Variants in UBAC1 observed in about 807,000 individuals in gnomAD.
UBAC1 encodes UBA domain containing 1.
Under a neutral mutation model 45.9 loss-of-function variants are expected in UBAC1, and 27 were observed. The ratio of observed to expected loss-of-function variants is 0.59; its 90% CI spans 0.43 to 0.81. The LOEUF is 0.81. Ranked by LOEUF, UBAC1 falls within the 30% of genes least tolerant of loss-of-function variation. UBAC1 has a pLI of 0.00. For missense variants in UBAC1, 529 were observed against 539.2 expected (o/e 0.98, Z 0.19); for synonymous variants, 227 against 215.5 (o/e 1.05, Z -0.47).
At chr9:135,939,863 C>T in intron 7 of UBAC1, 104 bp from the exon 8 acceptor site, 2 of 902,840 alleles carry the variant, frequency 2.2e-6, no homozygotes, top group Admixed American at 4.2e-5. Context: ...GCGGAGGGTG[C>T]TCCCAACAGC....
At chr9:135,956,036 T>C (rs200558202) in intron 1 of UBAC1, among the ~76,000 whole-genome samples, 3 of 152,102 alleles carry the variant, frequency 2.0e-5, no homozygotes, top group East Asian at 3.9e-4. Context: ...CCTGGGCGGC[T>C]TGAAGGTGGA....
At chr9:135,938,448 C>T (rs1292086213) in intron 8 of UBAC1, 88 bp from the exon 9 acceptor site, 2 of 1,502,288 alleles carry the variant, frequency 1.3e-6, no homozygotes, top group African/African-American at 1.4e-5. Flanking sequence ...AGCTCCTGCA[C>T]CTTTCTGTGA....
At chr9:135,948,046 G>A (rs1220400881) in intron 3 of UBAC1, 141 bp from the exon 4 acceptor site, 2 of 707,910 alleles carry the variant, frequency 2.8e-6, no homozygotes, top group African/African-American at 1.8e-5. Context: ...GATGAGCTGG[G>A]GGAGCCTGGA....
At chr9:135,933,579 G>A in intron 9 of UBAC1, 64 bp from the exon 10 acceptor site, 1 of 1,221,338 alleles carries the variant, frequency 8.2e-7, no homozygotes, top group Non-Finnish European at 1.2e-6. Context: ...GCACAGGCGT[G>A]ACTTTCCTCT....
At chr9:135,960,581 G>T (rs1439148533) in intron 1 of UBAC1, among the ~76,000 whole-genome samples, 3 of 48,032 alleles carry the variant, frequency 6.2e-5, no homozygotes, top group African/African-American at 1.9e-4. Flanking sequence ...AGCTCTCAAA[G>T]ATGCTGCTGA....
In UBAC1 at chr9:135,947,803, T is replaced by C. The variant is rs377643807; in HGVS notation, c.436A>G (p.Arg146Gly). The C allele has an allele frequency of 5.8e-5, 93 of 1,612,690 alleles. No individual in the cohort carries two copies. The highest frequency in any genetic ancestry group is 7.5e-5 in the Non-Finnish European group (88 of 1,179,552). Reference sequence around the variant, plus strand: ...CGCTCTGGGCTGACACTCACGTCTCTCATGTTGGTCTGGACCGCGGCCCGG... The same window carrying C: ...CGCTCTGGGCTGACACTCACGTCTCCCATGTTGGTCTGGACCGCGGCCCGG... ...MDRAAVQTNM[R>G]DFQTELRKIL... Residue 146 changes from arginine (R) to glycine (G), a missense_variant, in exon 4 of 10, where the codon AGA becomes GGA. By Grantham distance (125) the Arg-to-Gly change is moderately radical. Coordinates refer to ENST00000371756, the MANE Select transcript of UBAC1 (RefSeq NM_016172.3).
chr9:135,939,619 A>C, intron 8 of UBAC1, 54 bp downstream of exon 8: 1 of 1,543,588 alleles, frequency 6.5e-7, no homozygotes. Flanking sequence ...CACTTACCAC[A>C]GCCCACACTC....
At chr9:135,949,681 TC>T (rs1839383278) in intron 3 of UBAC1, among the ~76,000 whole-genome samples, 1 of 152,224 alleles carries the variant, frequency 6.6e-6, no homozygotes, top group East Asian at 1.9e-4. Flanking sequence ...AAGGGACAGA[TC>T]GAGAAGAACA....
Position 135,947,790 on chromosome 9 carries a change from ACACT to A in UBAC1, c.441+4_441+7del. 2 of 1,611,588 alleles carry A rather than the reference ACACT, an allele frequency of 1.2e-6. No homozygotes were observed. The highest frequency in any genetic ancestry group is 1.7e-6 in the Non-Finnish European group (2 of 1,178,962). On this transcript the variant is annotated splice_donor_5th_base_variant and intron_variant, in intron 4 of 9. Transcript: ENST00000371756. ...ATGCACCCGCCGCCGCTCTGGGCTG[ACACT>A]CACGTCTCTCATGTTGGTCTGGACC...
At chr9:135,942,921 C>T (rs1839287042) in intron 7 of UBAC1, among the ~76,000 whole-genome samples, 1 of 152,120 alleles carries the variant, frequency 6.6e-6, no homozygotes, top group African/African-American at 2.4e-5. Context: ...AAGCATTTGT[C>T]TCAATGGGAT....
intron 1 of UBAC1, among the ~76,000 whole-genome samples, chr9:135,959,034 C>T (rs540106539): frequency 6.6e-6 from 1 of 152,244 alleles, no homozygotes; most frequent in African/African-American, 2.4e-5. Context: ...GGCTGCCTAA[C>T]TGACCCTCCG....
intron 9 of UBAC1, among the ~76,000 whole-genome samples, chr9:135,936,540 G>A (rs954975379): frequency 8.0e-5 from 12 of 149,478 alleles, no homozygotes; most frequent in African/African-American, 2.7e-4. Flanking sequence ...CTGACGCCCA[G>A]GCTAGAGTGC....
intron 3 of UBAC1, among the ~76,000 whole-genome samples, chr9:135,952,600 G>A (rs1371243882): frequency 5.9e-5 from 9 of 152,208 alleles, no homozygotes; most frequent in African/African-American, 1.9e-4. Flanking sequence ...AATCAATAAC[G>A]TGTGAGTGAA....
chr9:135,938,123 G>C, intron 9 of UBAC1, 99 bp downstream of exon 9: 1 of 1,521,858 alleles, frequency 6.6e-7, no homozygotes, highest in East Asian at 2.3e-5. Flanking sequence ...GATCCTCAGC[G>C]CTGGATCCTC....
rs532856441 is a variant in UBAC1, at chr9:135,938,083, G to A, written c.1102+139C>T. On this transcript the variant is annotated intron_variant, in intron 9 of 9. Coordinates refer to ENST00000371756, the MANE Select transcript of UBAC1 (RefSeq NM_016172.3). The stretch of plus-strand genomic sequence containing the variant: ...GACTACACCCGCAGGATGCCAACCT[G>A]CATGGCAGGACGTGCTGCCAGCGCA... 7 of 1,348,116 alleles carry A rather than the reference G, an allele frequency of 5.2e-6. No individual in the cohort carries two copies. The African/African-American group carries it at 1.0e-4, about 20-fold the overall frequency. 83.5% of individuals were successfully genotyped at this position (1,348,116 alleles called of 1,614,324 possible). A position where few individuals can be genotyped will look rare whatever the true frequency, so the allele number is the denominator to read the frequency against.
chr9:135,959,559 G>A (rs1839507847), intron 1 of UBAC1, among the ~76,000 whole-genome samples: 1 of 152,018 alleles, frequency 6.6e-6, no homozygotes, highest in Admixed American at 6.6e-5. Context: ...TATTTTAGTT[G>A]AGACGGGGTT....
At position 135,945,120 on chromosome 9, in the gene UBAC1, C is replaced by T. The variant is rs1839312662; in HGVS notation, c.784G>A (p.Gly262Arg). 1.2e-6 allele frequency: 2 copies of T among 1,614,086 alleles called. No individual in the cohort carries two copies. The highest frequency in any genetic ancestry group is 1.3e-5 in the African/African-American group (1 of 75,058). The stretch of plus-strand genomic sequence containing the variant: ...GCCTCCTCATCGGTGGCGCTGGCTC[C>T]CGCGGCAGCCTCGGAGGCAGCTGCT... ...ATAAASEAAA[G>R]ASATDEEARD... The change falls in exon 7 of 10, where the codon GGA becomes AGA. Residue 262 changes from glycine to arginine, a missense_variant. By Grantham distance (125) the Gly-to-Arg change is moderately radical. Coordinates refer to ENST00000371756, the MANE Select transcript of UBAC1 (RefSeq NM_016172.3).
In UBAC1 at chr9:135,933,285, T is replaced by C. The variant is rs1212974665; in HGVS notation, c.*115A>G. ...AGAGCAGGAGCAGCTGCAGCACCTC[T>C]AACAGTCCAGGGCTGAGGCGCTGAA... On this transcript the variant is annotated 3_prime_UTR_variant, in exon 10 of 10. Transcript: ENST00000371756. 3 of 790,228 alleles carry C rather than the reference T, an allele frequency of 3.8e-6. No individual in the cohort carries two copies. Among genetic ancestry groups the C allele is most frequent in the African/African-American group, 1.7e-5 (1 of 58,640 alleles). 49.0% of individuals were successfully genotyped at this position (790,228 alleles called of 1,614,324 possible).
intron 7 of UBAC1, among the ~76,000 whole-genome samples, chr9:135,942,641 A>C (rs1223793641): frequency 1.3e-5 from 2 of 148,714 alleles, no homozygotes; most frequent in African/African-American, 4.9e-5. Context: ...TGACAGAGTG[A>C]AACTGTCTCA....
Sources: allele counts gnomAD v4.1 joint callset (sites outside exome capture counted in the v4.1 genomes callset), GRCh38; gene constraint gnomAD v4.1.1; transcripts MANE v1.5; gene names NCBI Gene and HGNC (gene_info 2026-07-23, HGNC 2026-07-21).